The following HAT1 variants were observed in gnomAD, a reference collection of about 807,000 sequenced individuals.
HAT1 encodes histone acetyltransferase 1.
Under a neutral mutation model 56.6 loss-of-function variants are expected in HAT1, and 20 were observed. The ratio of observed to expected loss-of-function variants is 0.35; its 90% CI spans 0.25 to 0.51. The LOEUF (loss-of-function observed/expected upper bound fraction) is 0.51. HAT1 is among the 20% of genes least tolerant of loss of function. The pLI is 0.95. For missense variants in HAT1, 408 were observed against 504.3 expected (o/e 0.81, Z 1.83); for synonymous variants, 146 against 165.5 (o/e 0.88, Z 0.91).
chr2:171,955,058 A>G (rs150922865), intron 4 of HAT1, among the ~76,000 whole-genome samples: 137 of 152,334 alleles, frequency 9.0e-4, no homozygotes, highest in Middle Eastern at 3.4e-3. Context: ...GTTACAGCCC[A>G]GTGATACTGA....
intron 3 of HAT1, among the ~76,000 whole-genome samples, chr2:171,948,651 A>G (rs141514882): frequency 1.3e-5 from 2 of 152,352 alleles, no homozygotes; most frequent in African/African-American, 2.4e-5. Context: ...TTTCGTTGCC[A>G]TATCTCTTCA....
chr2:171,966,603 G>T, intron 7 of HAT1, 90 bp downstream of exon 7: 1 of 723,644 alleles, frequency 1.4e-6, no homozygotes, highest in Non-Finnish European at 2.5e-6. Context: ...GTGTTGATTT[G>T]TTTAAAAAAA....
chr2:171,955,471 C>T (rs908317378), intron 4 of HAT1, among the ~76,000 whole-genome samples: 6 of 151,800 alleles, frequency 4.0e-5, no homozygotes, highest in African/African-American at 7.3e-5. Context: ...ATTAGCCGGG[C>T]GTGGTGGCAG....
intron 3 of HAT1, among the ~76,000 whole-genome samples, chr2:171,952,046 A>G (rs1687321402): frequency 6.6e-6 from 1 of 152,228 alleles, no homozygotes; most frequent in South Asian, 2.1e-4. Context: ...AAAAATCAGA[A>G]TACAGCTTTA....
chr2:171,977,337 C>G (rs1367195910), intron 9 of HAT1, among the ~76,000 whole-genome samples: 20 of 147,938 alleles, frequency 1.4e-4, no homozygotes, highest in African/African-American at 5.0e-4. Context: ...TGGCGCGTGC[C>G]TGTAATCCCA....
In HAT1 at chr2:171,967,078, G is replaced by GTT. The variant is rs1325797937; in HGVS notation, c.823+129_823+130insTT. On this transcript the variant is annotated intron_variant, in intron 8 of 10. Transcript: ENST00000264108. ...TCCTAGGGTGTTTAAGCCATCTAAA[G>GTT]ATGGCTTAAGTTTATGTTTTAGAGC... 68 of 581,590 alleles carry GTT rather than the reference G, an allele frequency of 1.2e-4. 2 individuals carry two copies. The African/African-American group carries it at 1.3e-3, about 11-fold the overall frequency. 36.0% of individuals were successfully genotyped at this position (581,590 alleles called of 1,614,324 possible).
chr2:171,983,343 T>C lies in HAT1; in HGVS notation c.1251T>C (p.Ala417=). The C allele has an allele frequency of 6.2e-7, 1 of 1,602,482 alleles. No individual in the cohort carries two copies. The highest frequency in any genetic ancestry group is 1.1e-5 in the South Asian group (1 of 89,950). ...EDYRRVIERL[A]QE ...ACCGGCGTGTTATTGAACGACTTGCTCAAGAGTAAAGATTATACTGCTCTG... is the reference window on the plus strand; with the variant it reads ...ACCGGCGTGTTATTGAACGACTTGCCCAAGAGTAAAGATTATACTGCTCTG... The change falls in exon 11 of 11, where the codon GCT becomes GCC. Residue 417 remains alanine (A), a synonymous_variant. Coordinates refer to ENST00000264108, the MANE Select transcript of HAT1 (RefSeq NM_003642.4).
intron 3 of HAT1, among the ~76,000 whole-genome samples, chr2:171,947,223 A>G (rs1687189315): frequency 6.6e-6 from 1 of 152,148 alleles, no homozygotes; most frequent in Non-Finnish European, 1.5e-5. Context: ...CTATGATCAA[A>G]TAAGCAGTTG....
chr2:171,934,713 G>C (rs1686824288), intron 2 of HAT1, among the ~76,000 whole-genome samples: 2 of 150,632 alleles, frequency 1.3e-5, no homozygotes, highest in African/African-American at 2.4e-5. Flanking sequence ...ATGAAAGTGT[G>C]CCACAAAGAA....
chr2:171,966,616 AT>A, intron 7 of HAT1, 103 bp downstream of exon 7: 1 of 703,260 alleles, frequency 1.4e-6, no homozygotes, highest in South Asian at 1.6e-5. Context: ...TAAAAAAAAA[AT>A]CACTATTATT....
intron 4 of HAT1, chr2:171,964,842 A>G (rs954572790): frequency 6.6e-6 from 1 of 152,184 alleles, no homozygotes; most frequent in African/African-American, 2.4e-5. Flanking sequence ...GTATATTTTT[A>G]AGTTATCATC....
Position 171,982,829 on chromosome 2 carries a change from T to C in HAT1, c.1093-356T>C, listed in dbSNP as rs549131454. On this transcript the variant is annotated intron_variant, in intron 10 of 10. Transcript: ENST00000264108. ...AAATGAAGAATAATAGCACTTAATC[T>C]CAGTTGTCTTTCTTCAGCTAATGTC... Among the ~76,000 whole-genome samples, 4 of 152,320 alleles carry C rather than the reference T, an allele frequency of 2.6e-5. No individual in the cohort carries two copies. The South Asian group carries it at 8.3e-4, about 32-fold the overall frequency.
chr2:171,976,113 G>A (rs368374068), intron 8 of HAT1, 44 bp from the exon 9 acceptor site: 5 of 1,073,406 alleles, frequency 4.7e-6, no homozygotes, highest in Admixed American at 4.2e-5. Flanking sequence ...AAATTATATT[G>A]AGTATCAGGG....
chr2:171,974,558 T>A lies in HAT1; in HGVS notation c.824-1599T>A, dbSNP rs112966022. 9.6e-3 allele frequency among the ~76,000 whole-genome samples: 1,458 copies of A among 152,304 alleles called. 12 individuals are homozygous for A. Among genetic ancestry groups the A allele is most frequent in the Non-Finnish European group, 0.015 (1,054 of 68,020 alleles). On this transcript the variant is annotated intron_variant, in intron 8 of 10. Transcript: ENST00000264108. ...CCTCTTCCTTTGCAGTCAGATGCAT[T>A]TTCTTTCTTTTTCTTACCCGATTGC...
At chr2:171,976,852 T>C (rs953664707) in intron 9 of HAT1, among the ~76,000 whole-genome samples, 2 of 152,166 alleles carry the variant, frequency 1.3e-5, no homozygotes, top group Non-Finnish European at 2.9e-5. Flanking sequence ...ATATAAACCT[T>C]GAAGAATGAG....
At chr2:171,943,075 T>C (rs1473958781) in intron 2 of HAT1, among the ~76,000 whole-genome samples, 18,177 of 144,832 alleles carry the variant, frequency 0.13, 1,377 homozygotes, top group Non-Finnish European at 0.18. Context: ...ATATTTGAGT[T>C]TTTTTTTTTT....
chr2:171,954,940 A>T (rs962935461), intron 4 of HAT1, among the ~76,000 whole-genome samples: 19 of 152,232 alleles, frequency 1.2e-4, no homozygotes, highest in African/African-American at 3.6e-4. Context: ...GTGACCACAG[A>T]GGCAGATGTG....
intron 2 of HAT1, among the ~76,000 whole-genome samples, chr2:171,941,950 G>A (rs992750307): frequency 6.6e-6 from 1 of 152,098 alleles, no homozygotes; most frequent in African/African-American, 2.4e-5. Flanking sequence ...TGTCACCCAG[G>A]CTGGAGTGCA....
chr2:171,978,823 C>T (rs13411526), intron 9 of HAT1, among the ~76,000 whole-genome samples: 32 of 151,668 alleles, frequency 2.1e-4, no homozygotes, highest in African/African-American at 6.3e-4. Context: ...CAGTGGCTTA[C>T]GCCAGTAACT....
Sources: gnomAD v4.1 joint callset for allele counts (sites outside exome capture counted in the v4.1 genomes callset) on GRCh38, gnomAD v4.1.1 for gene constraint, MANE v1.5 for transcripts, NCBI Gene and HGNC (gene_info 2026-07-23, HGNC 2026-07-21) for gene names.